The following NUP98 variants were observed in gnomAD, a reference collection of about 807,000 sequenced individuals.
NUP98 encodes nucleoporin 98 and 96 precursor.
Under a neutral mutation model 191.9 loss-of-function variants are expected in NUP98, and 26 were observed. The observed-to-expected ratio is 0.14, with a 90% CI of 0.10 to 0.19. The LOEUF (loss-of-function observed/expected upper bound fraction) is 0.19, where lower values mean the gene tolerates loss of function less well. Among genes scored for constraint, NUP98 ranks in the 10% least tolerant of loss-of-function variants. The probability of loss-of-function intolerance (pLI) is 1.00; values close to 1 mark genes in which losing one functional copy is unlikely to be tolerated. For missense variants in NUP98, 1,941 were observed against 2,178.8 expected, an observed-to-expected ratio of 0.89 and a Z score of 2.17; for synonymous variants, 808 against 778.4, an observed-to-expected ratio of 1.04 and a Z score of -0.63.
chr11:3,679,429 C>T, intron 31 of NUP98, 125 bp downstream of exon 31: 2 of 1,112,762 alleles, frequency 1.8e-6, no homozygotes, highest in Non-Finnish European at 2.7e-6. Context: ...CAGCAAGATG[C>T]CTGCTTTGAC....
chr11:3,723,344 G>C lies in NUP98; in HGVS notation c.1959C>G (p.Thr653=), dbSNP rs1363719366. The C allele has an allele frequency of 1.4e-5, 23 of 1,613,862 alleles. No homozygotes were observed. Among genetic ancestry groups the C allele is most frequent in the Non-Finnish European group, 1.9e-5 (22 of 1,179,984 alleles). Reference sequence around the variant, plus strand: ...TGTGTTTATTTCCAGCACTTTCTGGGGTTTGAGGAATAGGTTTGGCAATAG... The same window carrying C: ...TGTGTTTATTTCCAGCACTTTCTGGCGTTTGAGGAATAGGTTTGGCAATAG... ...TNPIAKPIPQ[T]PESAGNKHSN... The change falls in exon 16 of 33, where the codon ACC becomes ACG. Residue 653 remains threonine, a synonymous_variant. Transcript: ENST00000324932.
intron 13 of NUP98, among the ~76,000 whole-genome samples, chr11:3,732,727 A>G (rs999764528): frequency 1.3e-5 from 2 of 152,216 alleles, no homozygotes; most frequent in Non-Finnish European, 2.9e-5. Flanking sequence ...CATCCTGAGG[A>G]TGTTCTATAT....
At position 3,705,337 on chromosome 11, in the gene NUP98, A is replaced by G. The variant is rs1325701008; in HGVS notation, c.2945T>C (p.Leu982Pro). 1 of 1,614,110 alleles carries G rather than the reference A, an allele frequency of 6.2e-7. No individual in the cohort carries two copies. The highest frequency in any genetic ancestry group is 1.7e-5 in the Admixed American group (1 of 60,012). The change falls in exon 22 of 33, where the codon CTT becomes CCT. Residue 982 changes from leucine (L) to proline (P), a missense_variant. This residue lies in a region of NUP98 where 1,030 missense variants were observed against 1,115.8 expected (regional missense o/e 0.92). Transcript: ENST00000324932. Reference protein sequence around the residue: ...HVLQIMKASLLTDEEDVDMAL... With the variant: ...HVLQIMKASLPTDEEDVDMAL... ...CATATCTACATCTTCTTCATCAGTA[A>G]GCAATGATGCTTTCATGATCTAAAA...
intron 1 of NUP98, among the ~76,000 whole-genome samples, chr11:3,794,060 T>C (rs1211886091): frequency 2.0e-5 from 3 of 152,208 alleles, no homozygotes; most frequent in Admixed American, 1.3e-4. Flanking sequence ...TCTTCAGACA[T>C]TCCTGATCGT....
At chr11:3,755,298 GA>G (rs34400646) in intron 10 of NUP98, among the ~76,000 whole-genome samples, 368 of 136,644 alleles carry the variant, frequency 2.7e-3, no homozygotes, top group African/African-American at 4.6e-3. Context: ...CTACTACCAC[GA>G]AAAAAAAAAA....
In NUP98 at chr11:3,675,903, AT is replaced by A. The variant is rs1467941308; in HGVS notation, c.*255del. 1 of 513,546 alleles carries A rather than the reference AT, an allele frequency of 1.9e-6. No homozygotes were observed. Among genetic ancestry groups the A allele is most frequent in the Non-Finnish European group, 3.5e-6 (1 of 286,290 alleles). The allele number at this position is 513,546 out of a possible 1,614,324, so 31.8% of individuals were successfully genotyped here. A position where few individuals can be genotyped will look rare whatever the true frequency, so the allele number is the denominator to read the frequency against. ...TTCTGCCAAAGGAGCTTTATTGACCATTTTTTTAAAGGAAAAACACTGAATG... is the reference window on the plus strand; with the variant it reads ...TTCTGCCAAAGGAGCTTTATTGACCATTTTTTAAAGGAAAAACACTGAATG... On this transcript the variant is annotated 3_prime_UTR_variant, in exon 33 of 33. Coordinates refer to ENST00000324932, the MANE Select transcript of NUP98 (RefSeq NM_016320.5).
chr11:3,771,508 T>C (rs1210610994), intron 7 of NUP98, among the ~76,000 whole-genome samples: 3 of 152,172 alleles, frequency 2.0e-5, no homozygotes, highest in Non-Finnish European at 4.4e-5. Context: ...TGCTCCTTCA[T>C]CTTCTTCAGA....
intron 1 of NUP98, among the ~76,000 whole-genome samples, chr11:3,788,776 G>A (rs189244142): frequency 3.3e-5 from 5 of 151,628 alleles, no homozygotes; most frequent in Non-Finnish European, 7.4e-5. Flanking sequence ...GAGAAACCCC[G>A]TCTCTACTAA....
chr11:3,769,810 C>T (rs950487148), intron 7 of NUP98, among the ~76,000 whole-genome samples: 6 of 151,550 alleles, frequency 4.0e-5, no homozygotes, highest in Non-Finnish European at 7.4e-5. Context: ...TTTGAGAGGC[C>T]GAGGCGGGTG....
chr11:3,720,734 A>T lies in NUP98; in HGVS notation c.2238T>A (p.Ser746=). The T allele has an allele frequency of 6.3e-7, 1 of 1,594,916 alleles. No individual in the cohort carries two copies. The highest frequency in any genetic ancestry group is 1.1e-5 in the South Asian group (1 of 90,548). Residue 746 remains serine (S), a synonymous_variant, in exon 17 of 33, where the codon TCT becomes TCA. Transcript: ENST00000324932. ...TACCTTTCCGACCAATAGTGAAATC[A>T]GAGACAATGCACTCTCCTTTTTCAT... ...ITNEKGECIV[S]DFTIGRKGYG... is the part of the protein sequence containing the mutation.
intron 1 of NUP98, among the ~76,000 whole-genome samples, chr11:3,790,959 A>C (rs1404794190): frequency 6.6e-6 from 1 of 150,736 alleles, no homozygotes; most frequent in Non-Finnish European, 1.5e-5. Flanking sequence ...GAAGTGACGC[A>C]ATCTCGGCTG....
At chr11:3,754,057 G>T (rs944167432) in intron 10 of NUP98, among the ~76,000 whole-genome samples, 1 of 152,156 alleles carries the variant, frequency 6.6e-6, no homozygotes, top group African/African-American at 2.4e-5. Flanking sequence ...CATTGCCTTT[G>T]TAAGGCCCAA....
At chr11:3,718,498 T>C (rs2079266743) in intron 18 of NUP98, among the ~76,000 whole-genome samples, 1 of 151,316 alleles carries the variant, frequency 6.6e-6, no homozygotes, top group African/African-American at 2.4e-5. Context: ...ACTATACCAC[T>C]GCACTCCAGC....
Position 3,675,497 on chromosome 11 carries a change from G to A in NUP98, c.*662C>T, listed in dbSNP as rs1484459563. 1 of 229,982 alleles carries A rather than the reference G, an allele frequency of 4.3e-6. No individual in the cohort carries two copies. Among genetic ancestry groups the A allele is most frequent in the African/African-American group, 2.2e-5 (1 of 45,064 alleles). The allele number at this position is 229,982 out of a possible 1,614,324, so 14.2% of individuals were successfully genotyped here. A position where few individuals can be genotyped will look rare whatever the true frequency, so the allele number is the denominator to read the frequency against. On this transcript the variant is annotated 3_prime_UTR_variant, in exon 33 of 33. Transcript: ENST00000324932. ...ATGTCACATGTGACCAAGGGTTCCT[G>A]CACATAGTAGTAGCAAAGGTATGGT...
At chr11:3,699,415 T>G (rs558231093) in intron 24 of NUP98, 67 bp from the exon 25 acceptor site, 1 of 1,541,738 alleles carries the variant, frequency 6.5e-7, no homozygotes, top group South Asian at 1.1e-5. Flanking sequence ...GAGGGCATCC[T>G]TCTAACTGTG....
At chr11:3,739,829 A>G (rs1236720205) in intron 12 of NUP98, among the ~76,000 whole-genome samples, 1 of 152,152 alleles carries the variant, frequency 6.6e-6, no homozygotes, top group Non-Finnish European at 1.5e-5. Context: ...CCTTTGAACA[A>G]CACAAGTTTG....
intron 29 of NUP98, 24 bp from the exon 30 acceptor site, chr11:3,683,465 T>C: frequency 6.2e-7 from 1 of 1,612,684 alleles, no homozygotes; most frequent in East Asian, 2.2e-5. Flanking sequence ...TAAGCTAGAA[T>C]AAATCCCATC....
chr11:3,682,423 C>T (rs1474328484), intron 30 of NUP98, among the ~76,000 whole-genome samples: 1 of 152,096 alleles, frequency 6.6e-6, no homozygotes, highest in Non-Finnish European at 1.5e-5. Context: ...GTTGTGCTAC[C>T]CTTCCTTTCA....
intron 8 of NUP98, 60 bp downstream of exon 8, chr11:3,768,521 A>C (rs1272593136): frequency 1.4e-6 from 2 of 1,394,376 alleles, no homozygotes; most frequent in Non-Finnish European, 1.9e-6. Flanking sequence ...CATGATTAGA[A>C]TCCTCATTAC....
Sources: allele counts gnomAD v4.1 joint callset (sites outside exome capture counted in the v4.1 genomes callset), GRCh38; gene constraint gnomAD v4.1.1; regional missense constraint gnomAD v4.1.1; transcripts MANE v1.5; gene names NCBI Gene and HGNC (gene_info 2026-07-23, HGNC 2026-07-21).